MAPK4: variants seen among roughly 807,000 people sequenced by gnomAD.
The protein encoded by MAPK4 is mitogen-activated protein kinase 4.
A neutral mutation model predicts 47.7 loss-of-function variants in MAPK4; 22 were observed. That is an observed-to-expected ratio of 0.46 (90% CI 0.33 to 0.66). The LOEUF is 0.66. Among genes scored for constraint, MAPK4 ranks in the 30% least tolerant of loss-of-function variants. The pLI is 0.02. For synonymous variants in MAPK4, 390 were observed against 365.7 expected (o/e 1.07, Z -0.76); for missense variants, 736 against 831.7 (o/e 0.88, Z 1.42).
At chr18:50,724,125 C>T (rs892363880) in intron 4 of MAPK4, among the ~76,000 whole-genome samples, 1 of 152,166 alleles carries the variant, frequency 6.6e-6, no homozygotes, top group Non-Finnish European at 1.5e-5. Context: ...GATCCTCCCA[C>T]CTCAGCCTCC....
intron 2 of MAPK4, among the ~76,000 whole-genome samples, chr18:50,707,646 GC>G (rs1910132176): frequency 6.6e-6 from 1 of 151,448 alleles, no homozygotes; most frequent in Non-Finnish European, 1.5e-5. Context: ...TATACTTAAT[GC>G]CACTGAACCG....
Position 50,664,511 on chromosome 18 carries a change from C to A in MAPK4, c.546+7C>A. On this transcript the variant is annotated splice_region_variant and intron_variant, in intron 2 of 5. Transcript: ENST00000400384. This position sits in a 1 kb window ranked among gnomAD's most constrained non-coding sequence, Gnocchi z 6.0. ...TCAGCATTACTCCCACAAGGTATGT[C>A]TGGCTGGAATGGCGGATACTGGTGG... 6.4e-7 allele frequency: 1 copy of A among 1,574,328 alleles called. No individual in the cohort carries two copies. Among genetic ancestry groups the A allele is most frequent in the South Asian group, 1.2e-5 (1 of 84,594 alleles).
At chr18:50,562,727 A>G (rs1196531996) in intron 1 of MAPK4, among the ~76,000 whole-genome samples, 1 of 152,260 alleles carries the variant, frequency 6.6e-6, no homozygotes, top group East Asian at 1.9e-4. Context: ...TTGAGTATTT[A>G]CAATGCAATA....
rs188623954 is a variant in MAPK4, at chr18:50,704,937, C to T, written c.547-10142C>T. On this transcript the variant is annotated intron_variant, in intron 2 of 5. Transcript: ENST00000400384. ...CTCCTCAAAAGTGCTTTTGGACTCA[C>T]ATTTTCTTTCTTTCTTTTTGAGGGT... 13 of 396,598 alleles carry T rather than the reference C, an allele frequency of 3.3e-5. No individual in the cohort carries two copies. The Admixed American group carries it at 4.4e-4, about 13-fold the overall frequency. The allele number at this position is 396,598 out of a possible 1,614,324, so 24.6% of individuals were successfully genotyped here.
At chr18:50,688,901 A>AT (rs1360206209) in intron 2 of MAPK4, among the ~76,000 whole-genome samples, 1 of 151,064 alleles carries the variant, frequency 6.6e-6, no homozygotes, top group Admixed American at 6.6e-5. Flanking sequence ...AAAAAAAAAA[A>AT]AAAAAAAAAG....
intron 1 of MAPK4, among the ~76,000 whole-genome samples, chr18:50,607,365 C>T (rs1190719149): frequency 6.6e-6 from 1 of 152,186 alleles, no homozygotes; most frequent in Admixed American, 6.5e-5. Flanking sequence ...GAGCCCAGAT[C>T]TTCTCATTCT....
At chr18:50,670,364 C>T (rs1907871832) in intron 2 of MAPK4, 1 of 152,258 alleles carries the variant, frequency 6.6e-6, no homozygotes, top group Non-Finnish European at 1.5e-5. Context: ...ACTGGCCTGC[C>T]TTTGAGCCTT....
chr18:50,720,567 C>CAA (rs1383645793), intron 3 of MAPK4, among the ~76,000 whole-genome samples: 1 of 151,988 alleles, frequency 6.6e-6, no homozygotes, highest in Non-Finnish European at 1.5e-5. Flanking sequence ...ATTCTCTGCC[C>CAA]CCACCCCCGC....
chr18:50,634,083 C>A (rs1346151870), intron 1 of MAPK4, among the ~76,000 whole-genome samples: 1 of 151,944 alleles, frequency 6.6e-6, no homozygotes, highest in Admixed American at 6.6e-5. Flanking sequence ...AGAAAGAAAC[C>A]TTTTTATAAC....
In MAPK4 at chr18:50,658,389, C is replaced by T. The variant is rs2043134364; in HGVS notation, c.-870-4700C>T. ...TTAGAGCGTGAGTGTTGGACTTGGA[C>T]CAACCTGAGTTGACATCCCAGATTC... On this transcript the variant is annotated intron_variant, in intron 1 of 5. Transcript: ENST00000400384. Among the ~76,000 whole-genome samples the T allele has an allele frequency of 2.6e-5, 4 of 152,296 alleles. 1 individual carries two copies. The South Asian group carries it at 8.3e-4, about 32-fold the overall frequency.
chr18:50,631,903 C>G (rs1224788335), intron 1 of MAPK4, among the ~76,000 whole-genome samples: 1 of 152,224 alleles, frequency 6.6e-6, no homozygotes, highest in Non-Finnish European at 1.5e-5. Context: ...GCAAGGAACA[C>G]TTCAGAGTGC....
At chr18:50,704,264 C>A (rs568079808) in intron 2 of MAPK4, among the ~76,000 whole-genome samples, 23 of 152,288 alleles carry the variant, frequency 1.5e-4, no homozygotes, top group African/African-American at 5.5e-4. Flanking sequence ...AATCCTAGCA[C>A]TTTGGGAGGC....
Position 50,640,807 on chromosome 18 carries a change from A to AAC in MAPK4, c.-870-22267_-870-22266dup, listed in dbSNP as rs139939686. 3.4e-3 allele frequency among the ~76,000 whole-genome samples: 519 copies of AAC among 151,364 alleles called. 2 individuals carry two copies. Among genetic ancestry groups the AAC allele is most frequent in the African/African-American group, 0.012 (478 of 41,288 alleles). ...ATCTTTCATCCCTTCTGTTGGCTTA[A>AAC]ACACACACACACACACGCACACACA... On this transcript the variant is annotated intron_variant, in intron 1 of 5. Transcript: ENST00000400384.
At chr18:50,717,249 G>A (rs765582283) in intron 3 of MAPK4, among the ~76,000 whole-genome samples, 25 of 152,336 alleles carry the variant, frequency 1.6e-4, no homozygotes, top group South Asian at 4.1e-4. Context: ...GATCTGAAGC[G>A]AGTATCAGAG....
intron 1 of MAPK4, among the ~76,000 whole-genome samples, chr18:50,615,143 G>A (rs541311906): frequency 3.4e-4 from 52 of 152,204 alleles, no homozygotes; most frequent in Non-Finnish European, 5.9e-4. Flanking sequence ...GTGCTGTGTC[G>A]GTGCCCAGCA....
intron 2 of MAPK4, chr18:50,705,154 CA>C (rs1383112012): frequency 5.5e-6 from 1 of 183,318 alleles, no homozygotes; most frequent in Admixed American, 6.2e-5. Context: ...GAGATTTCTA[CA>C]TGGCAATGAA....
At chr18:50,674,483 C>T (rs917576453) in intron 2 of MAPK4, among the ~76,000 whole-genome samples, 1 of 152,078 alleles carries the variant, frequency 6.6e-6, no homozygotes, top group African/African-American at 2.4e-5. Context: ...TGGGAGAGAC[C>T]AGCCCTTATC....
At chr18:50,651,490 C>T (rs11662176) in intron 1 of MAPK4, among the ~76,000 whole-genome samples, 49,684 of 152,054 alleles carry the variant, frequency 0.33, 8,212 homozygotes, top group Admixed American at 0.36. Flanking sequence ...ATTTCTCCTG[C>T]TAGAACAAGG....
At chr18:50,606,282 G>A (rs1568042624) in intron 1 of MAPK4, among the ~76,000 whole-genome samples, 1 of 151,820 alleles carries the variant, frequency 6.6e-6, no homozygotes, top group South Asian at 2.1e-4. Context: ...CCAGGTGAAA[G>A]GGGCCAGATT....
Sources: allele counts gnomAD v4.1 joint callset (sites outside exome capture counted in the v4.1 genomes callset), GRCh38; gene constraint gnomAD v4.1.1; non-coding constraint Gnocchi (gnomAD v3.1); transcripts MANE v1.5; gene names NCBI Gene and HGNC (gene_info 2026-07-23, HGNC 2026-07-21).